KDM5B: variants seen among roughly 807,000 people sequenced by gnomAD.
KDM5B encodes the protein lysine demethylase 5B.
In KDM5B, 144 loss-of-function variants were observed where a neutral mutation model predicts 193.4. The observed-to-expected ratio is 0.74, with a 90% confidence interval of 0.65 to 0.86. KDM5B has a LOEUF of 0.86. Ranked by LOEUF, KDM5B falls within the 40% of genes least tolerant of loss-of-function variation. The pLI is 0.00. For missense variants in KDM5B, 1,833 were observed against 1,886.9 expected (o/e 0.97, Z 0.53); for synonymous variants, 668 against 682.6 (o/e 0.98, Z 0.33).
At chr1:202,753,219 CAGGTGCTGT>C in intron 11 of KDM5B, 152 bp from the exon 12 acceptor site, 1 of 687,342 alleles carries the variant, frequency 1.5e-6, no homozygotes. Context: ...GAATGTGAGC[CAGGTGCTGT>C]GGCTCACGTC....
In KDM5B at chr1:202,808,276, G is replaced by T. The variant is rs962445280; in HGVS notation, c.30C>A (p.Gly10=). The T allele has an allele frequency of 6.2e-7, 1 of 1,607,242 alleles. No individual in the cohort carries two copies. The highest frequency in any genetic ancestry group is 8.5e-7 in the Non-Finnish European group (1 of 1,177,702). The change falls in exon 1 of 27, where the codon GGC becomes GGA. Residue 10 remains glycine, a synonymous_variant. Transcript: ENST00000367265. ...CCCCGAGGGGCAGCGCCGGGCGCGGGCCTGGGTGCAGTGTGGTGGCCGCCT... is the reference window on the plus strand; with the variant it reads ...CCCCGAGGGGCAGCGCCGGGCGCGGTCCTGGGTGCAGTGTGGTGGCCGCCT... The part of the protein sequence containing the change: MEAATTLHP[G]PRPALPLGGP...
chr1:202,738,233 A>G (rs537350571), intron 20 of KDM5B, among the ~76,000 whole-genome samples: 1 of 152,202 alleles, frequency 6.6e-6, no homozygotes, highest in Non-Finnish European at 1.5e-5. Context: ...ATATACATAT[A>G]AAATATGAAG....
At chr1:202,755,799 G>C (rs796088781) in intron 10 of KDM5B, among the ~76,000 whole-genome samples, 2 of 152,240 alleles carry the variant, frequency 1.3e-5, no homozygotes, top group South Asian at 4.1e-4. Flanking sequence ...TCCTGAAAGA[G>C]GAAAAGTAGT....
intron 18 of KDM5B, 57 bp downstream of exon 18, chr1:202,742,334 T>A: frequency 8.4e-7 from 1 of 1,185,964 alleles, no homozygotes; most frequent in African/African-American, 1.5e-5. Context: ...TCAATAGAGT[T>A]TATATACAAA....
chr1:202,762,824 C>G lies in KDM5B; in HGVS notation c.809-16G>C. Reference sequence around the variant, plus strand: ...ATTTCTTTCTCTGTAGGAGGCAATCCAAAATTAGCTCTTTATGATGCTTTT... The same window carrying G: ...ATTTCTTTCTCTGTAGGAGGCAATCGAAAATTAGCTCTTTATGATGCTTTT... On this transcript the variant is annotated splice_polypyrimidine_tract_variant and intron_variant, in intron 6 of 26. Coordinates refer to ENST00000367265, the MANE Select transcript of KDM5B (RefSeq NM_006618.5). 2.2e-6 allele frequency: 3 copies of G among 1,367,926 alleles called. No individual in the cohort carries two copies. Among genetic ancestry groups the G allele is most frequent in the Non-Finnish European group, 3.1e-6 (3 of 957,746 alleles). 84.7% of individuals were successfully genotyped at this position (1,367,926 alleles called of 1,614,324 possible). A position where few individuals can be genotyped will look rare whatever the true frequency, so the allele number is the denominator to read the frequency against.
intron 5 of KDM5B, 141 bp from the exon 6 acceptor site, chr1:202,764,286 A>C: frequency 1.9e-6 from 1 of 525,738 alleles, no homozygotes; most frequent in Non-Finnish European, 3.3e-6. Flanking sequence ...CTCTCTTCCT[A>C]AGGAAGAGAG....
At chr1:202,733,910 G>C in intron 22 of KDM5B, 24 bp from the exon 23 acceptor site, 1 of 1,585,952 alleles carries the variant, frequency 6.3e-7, no homozygotes, top group South Asian at 1.2e-5. Context: ...AACAATCAAG[G>C]ATGATGTCCG....
At chr1:202,731,160 C>A in intron 24 of KDM5B, 97 bp from the exon 25 acceptor site, 1 of 851,474 alleles carries the variant, frequency 1.2e-6, no homozygotes. Flanking sequence ...GCCCCTAATA[C>A]CACTACTACC....
chr1:202,780,850 A>G (rs1044660877), intron 1 of KDM5B, among the ~76,000 whole-genome samples: 5 of 152,004 alleles, frequency 3.3e-5, no homozygotes, highest in African/African-American at 1.2e-4. Context: ...CATTACCTAC[A>G]TATACATATG....
At chr1:202,795,074 C>T (rs1289720566) in intron 1 of KDM5B, among the ~76,000 whole-genome samples, 4 of 151,422 alleles carry the variant, frequency 2.6e-5, no homozygotes, top group Admixed American at 6.6e-5. Context: ...ATTAGCCGGG[C>T]GTGGTAGCAG....
At chr1:202,754,745 C>T (rs368191994) in intron 11 of KDM5B, among the ~76,000 whole-genome samples, 19 of 152,324 alleles carry the variant, frequency 1.2e-4, no homozygotes, top group East Asian at 9.6e-4. Flanking sequence ...TGCAATGGTG[C>T]GGTCTCTTGG....
At chr1:202,775,015 G>A (rs1330115400) in intron 2 of KDM5B, among the ~76,000 whole-genome samples, 1 of 152,006 alleles carries the variant, frequency 6.6e-6, no homozygotes, top group African/African-American at 2.4e-5. Context: ...GCTGAGGCGA[G>A]CGAATCACAA....
intron 1 of KDM5B, among the ~76,000 whole-genome samples, chr1:202,794,880 T>TA (rs1657776350): frequency 6.6e-6 from 1 of 152,160 alleles, no homozygotes; most frequent in Non-Finnish European, 1.5e-5. Context: ...TAGGCACAGT[T>TA]AGAGATTAAC....
intron 1 of KDM5B, 78 bp downstream of exon 1, chr1:202,808,024 C>T (rs991125051): frequency 1.4e-6 from 2 of 1,427,558 alleles, no homozygotes; most frequent in Non-Finnish European, 1.9e-6. Context: ...CCCCCCGCGC[C>T]TCGGGCCTCC....
rs1221039878 is a variant in KDM5B, at chr1:202,755,838, T to C, written c.1357-386A>G. 2.6e-5 allele frequency among the ~76,000 whole-genome samples: 4 copies of C among 152,108 alleles called. No individual in the cohort carries two copies. The South Asian group carries it at 6.2e-4, about 24-fold the overall frequency. Reference sequence around the variant, plus strand: ...GGAGAGCGGGCGAAAAGGGAACTTCTGGGGTGCTGGGAATATCCTATTTCT... The same window carrying C: ...GGAGAGCGGGCGAAAAGGGAACTTCCGGGGTGCTGGGAATATCCTATTTCT... On this transcript the variant is annotated intron_variant, in intron 10 of 26. Coordinates refer to ENST00000367265, the MANE Select transcript of KDM5B (RefSeq NM_006618.5).
At chr1:202,803,592 G>T (rs907298064) in intron 1 of KDM5B, among the ~76,000 whole-genome samples, 3 of 150,556 alleles carry the variant, frequency 2.0e-5, no homozygotes, top group Non-Finnish European at 4.4e-5. Context: ...GGGAGGCCGA[G>T]GTGGGTGGAT....
chr1:202,731,475 G>A (rs922930731), intron 24 of KDM5B, among the ~76,000 whole-genome samples: 2 of 152,144 alleles, frequency 1.3e-5, no homozygotes, highest in Non-Finnish European at 2.9e-5. Context: ...CTAAGGATCA[G>A]GACTCTAGCA....
chr1:202,798,659 G>A (rs182871678), intron 1 of KDM5B, among the ~76,000 whole-genome samples: 3 of 152,112 alleles, frequency 2.0e-5, no homozygotes, highest in East Asian at 1.9e-4. Context: ...CCAGGAGTTC[G>A]AGGCTCCAAG....
In KDM5B at chr1:202,729,865, T is replaced by G. The variant is rs779954882; in HGVS notation, c.4339A>C (p.Asn1447His). 1 of 1,614,196 alleles carries G rather than the reference T, an allele frequency of 6.2e-7. No homozygotes were observed. The highest frequency in any genetic ancestry group is 2.2e-5 in the East Asian group (1 of 44,888). ...CGCTCTCTCTCTAACTTGAAATTGT[T>G]CATGTCCTTGGGGTGGCTCAGTTTG... is the stretch of plus-strand genomic sequence containing the variant. ...KIKLSHPKDM[N>H]NFKLERERSY... is the part of the protein sequence containing the mutation. The change falls in exon 26 of 27, where the codon AAC (asparagine) becomes CAC (histidine). Residue 1447 changes from asparagine to histidine, a missense_variant. By Grantham distance (68) the Asn-to-His change is moderately conservative (BLOSUM62 1). Transcript: ENST00000367265.
Sources: allele counts gnomAD v4.1 joint callset (sites outside exome capture counted in the v4.1 genomes callset), GRCh38; gene constraint gnomAD v4.1.1; transcripts MANE v1.5; gene names NCBI Gene and HGNC (gene_info 2026-07-23, HGNC 2026-07-21).